The following SP4 variants were observed in gnomAD, a reference collection of about 807,000 sequenced individuals.
SP4 encodes Sp4 transcription factor.
In SP4, 19 loss-of-function variants were observed where a neutral mutation model predicts 72.8. The ratio of observed to expected loss-of-function variants is 0.26; its 90% CI spans 0.18 to 0.38. SP4 has a LOEUF of 0.38. Among genes scored for constraint, SP4 ranks in the 10% least tolerant of loss-of-function variants. The pLI is 1.00. For synonymous variants in SP4, 395 were observed against 333.1 expected, an observed-to-expected ratio of 1.19 and a Z score of -2.02; for missense variants, 1,008 against 926.3, an observed-to-expected ratio of 1.09 and a Z score of -1.14.
rs1392151527 is a variant in SP4 at position 21,472,381 on chromosome 7, C to CT, written c.1679-4697dup. 3.3e-5 allele frequency among the ~76,000 whole-genome samples: 5 copies of CT among 152,224 alleles called. No homozygotes were observed. In the East Asian group the frequency reaches 9.7e-4, roughly 30 times the overall value. On this transcript the variant is annotated intron_variant, in intron 3 of 5. Transcript: ENST00000222584. The stretch of plus-strand genomic sequence containing the variant: ...CTCACTGAAGTCTTGATCCCCAGGG[C>CT]TCAAGTGATCCTCTCACCTCAGCAC...
At position 21,433,625 on chromosome 7, in the gene SP4, C is replaced by G. The variant is rs73058474; in HGVS notation, c.1678+2782C>G. Among the ~76,000 whole-genome samples, 615 of 152,182 alleles carry G rather than the reference C, an allele frequency of 4.0e-3. 5 individuals carry two copies. Among genetic ancestry groups the G allele is most frequent in the Non-Finnish European group, 6.9e-3 (469 of 68,020 alleles). On this transcript the variant is annotated intron_variant, in intron 3 of 5. Coordinates refer to ENST00000222584, the MANE Select transcript of SP4 (RefSeq NM_003112.5). Reference sequence around the variant, plus strand: ...GAAACAACTTTGTTTTCATTAATTTCTTTTGGCTTTGCATTTGTAAGACAC... The same window carrying G: ...GAAACAACTTTGTTTTCATTAATTTGTTTTGGCTTTGCATTTGTAAGACAC...
At position 21,513,265 on chromosome 7, in the gene SP4, A is replaced by G. The variant is rs940621984; in HGVS notation, c.*1996A>G. Reference sequence around the variant, plus strand: ...AAAACTGAAGGTCTTTTGTGCTTTCAGTTTGTATAAAAAAGCTTTGAGATT... The same window carrying G: ...AAAACTGAAGGTCTTTTGTGCTTTCGGTTTGTATAAAAAAGCTTTGAGATT... On this transcript the variant is annotated 3_prime_UTR_variant, in exon 6 of 6. Transcript: ENST00000222584. 2.0e-5 allele frequency: 3 copies of G among 152,524 alleles called. No homozygotes were observed. Among genetic ancestry groups the G allele is most frequent in the African/African-American group, 7.2e-5 (3 of 41,404 alleles). The allele number at this position is 152,524 out of a possible 1,614,324, so 9.4% of individuals were successfully genotyped here. A position where few individuals can be genotyped will look rare whatever the true frequency, so the allele number is the denominator to read the frequency against.
intron 3 of SP4, among the ~76,000 whole-genome samples, chr7:21,450,003 G>C (rs1196825581): frequency 2.0e-5 from 3 of 151,590 alleles, no homozygotes; most frequent in Non-Finnish European, 4.4e-5. Flanking sequence ...ATTTAATATA[G>C]TTATTTATAT....
At chr7:21,476,297 G>A (rs1034233764) in intron 3 of SP4, among the ~76,000 whole-genome samples, 73 of 102,740 alleles carry the variant, frequency 7.1e-4, no homozygotes, top group East Asian at 3.0e-3. Flanking sequence ...AAAAAAAAAA[G>A]CATTGTATTT....
At chr7:21,436,841 G>T (rs969163553) in intron 3 of SP4, among the ~76,000 whole-genome samples, 1 of 152,164 alleles carries the variant, frequency 6.6e-6, no homozygotes, top group Non-Finnish European at 1.5e-5. Context: ...AAAAATAAAT[G>T]AGCCTCTTTC....
At chr7:21,477,409 T>A in intron 4 of SP4, 102 bp downstream of exon 4, 1 of 708,544 alleles carries the variant, frequency 1.4e-6, no homozygotes, top group South Asian at 1.7e-5. Flanking sequence ...CTTCATTACC[T>A]TTGTAGCCTA....
At position 21,511,335 on chromosome 7, in the gene SP4, G is replaced by A; in HGVS notation, c.*66G>A. On this transcript the variant is annotated 3_prime_UTR_variant, in exon 6 of 6. Coordinates refer to ENST00000222584, the MANE Select transcript of SP4 (RefSeq NM_003112.5). Reference sequence around the variant, plus strand: ...TACACACCTTTGAAAATCTGGAAATGGGCTGGTCAAGTGGATTACAGAGTA... The same window carrying A: ...TACACACCTTTGAAAATCTGGAAATAGGCTGGTCAAGTGGATTACAGAGTA... 6.7e-7 allele frequency: 1 copy of A among 1,497,448 alleles called. No individual in the cohort carries two copies. Among genetic ancestry groups the A allele is most frequent in the African/African-American group, 1.4e-5 (1 of 72,006 alleles). 92.8% of individuals were successfully genotyped at this position (1,497,448 alleles called of 1,614,324 possible). A position where few individuals can be genotyped will look rare whatever the true frequency, so the allele number is the denominator to read the frequency against.
chr7:21,430,384 A>T lies in SP4; in HGVS notation c.1219A>T (p.Ile407Phe). The change falls in exon 3 of 6, where the codon ATC becomes TTC. Residue 407 changes from isoleucine to phenylalanine, a missense_variant. Transcript: ENST00000222584. ...TGTAGGCCAACCTATCTTACAGCAG[A>T]TCCAGATCCAACAGCCTCAGCAACA... ...QIVGQPILQQ[I>F]QIQQPQQQII... 1 of 1,614,204 alleles carries T rather than the reference A, an allele frequency of 6.2e-7. No homozygotes were observed. The highest frequency in any genetic ancestry group is 8.5e-7 in the Non-Finnish European group (1 of 1,180,036).
At chr7:21,438,798 G>C (rs966868988) in intron 3 of SP4, among the ~76,000 whole-genome samples, 1 of 152,168 alleles carries the variant, frequency 6.6e-6, no homozygotes, top group Non-Finnish European at 1.5e-5. Context: ...TCTTTGTCCA[G>C]TTATACCCTC....
At chr7:21,430,930 A>C in intron 3 of SP4, 87 bp downstream of exon 3, 1 of 924,954 alleles carries the variant, frequency 1.1e-6, no homozygotes, top group Admixed American at 2.5e-5. Flanking sequence ...GGTTTGACGT[A>C]GACCTCTGAA....
intron 3 of SP4, among the ~76,000 whole-genome samples, chr7:21,432,220 T>C (rs1234114212): frequency 1.3e-5 from 2 of 152,238 alleles, no homozygotes; most frequent in African/African-American, 4.8e-5. Context: ...AGTGTTTCCA[T>C]TGCGGTACTT....
chr7:21,430,626 T>G lies in SP4; in HGVS notation c.1461T>G (p.Asn487Lys), dbSNP rs774714534. The G allele has an allele frequency of 6.2e-7, 1 of 1,614,278 alleles. No homozygotes were observed. Among genetic ancestry groups the G allele is most frequent in the South Asian group, 1.1e-5 (1 of 91,086 alleles). The change falls in exon 3 of 6, where the codon AAT becomes AAG. Residue 487 changes from asparagine to lysine, a missense_variant. Physicochemically the swap from Asn to Lys is moderately conservative, Grantham distance 94. Around this residue, in one of 3 missense-constraint regions of SP4, gnomAD observed 893 missense variants for 743.3 expected, o/e 1.20. Transcript: ENST00000222584. ...GTCTTTCAAATTTGCAAGTTCAGAA[T>G]GCTGGGTTATCCCAACAATTAACCA... ...IQSLSNLQVQ[N>K]AGLSQQLTIT...
At chr7:21,487,261 A>G (rs1223445527) in intron 5 of SP4, among the ~76,000 whole-genome samples, 1 of 151,978 alleles carries the variant, frequency 6.6e-6, no homozygotes, top group East Asian at 1.9e-4. Context: ...TGTGCTGCTA[A>G]TTTCATAATG....
intron 5 of SP4, among the ~76,000 whole-genome samples, chr7:21,496,120 A>G (rs1781697618): frequency 6.6e-6 from 1 of 152,204 alleles, no homozygotes; most frequent in African/African-American, 2.4e-5. Flanking sequence ...AACTACAAAG[A>G]GACACTACAA....
At position 21,429,488 on chromosome 7, in the gene SP4, C is replaced by T. The variant is rs1326122040; in HGVS notation, c.323C>T (p.Thr108Ile). 1 of 1,613,760 alleles carries T rather than the reference C, an allele frequency of 6.2e-7. No individual in the cohort carries two copies. Among genetic ancestry groups the T allele is most frequent in the East Asian group, 2.2e-5 (1 of 44,886 alleles). The change falls in exon 3 of 6, where the codon ACT becomes ATT. Residue 108 changes from threonine (T) to isoleucine (I), a missense_variant. Thr to Ile is a moderately conservative substitution (Grantham distance 89, BLOSUM62 -1). Coordinates refer to ENST00000222584, the MANE Select transcript of SP4 (RefSeq NM_003112.5). ...AACGCTTGGCAACTTGTTGCCTCCA[C>T]TCCTCCTGCTTCAAAAGAGAATAAC... ...AGNAWQLVAS[T>I]PPASKENNVS...
intron 5 of SP4, among the ~76,000 whole-genome samples, chr7:21,485,000 A>G (rs1784774986): frequency 6.6e-6 from 1 of 151,870 alleles, no homozygotes; most frequent in Admixed American, 6.6e-5. Flanking sequence ...AGTGGTTCAA[A>G]CATCTTAAAT....
At chr7:21,436,078 T>A (rs1783042403) in intron 3 of SP4, among the ~76,000 whole-genome samples, 1 of 152,090 alleles carries the variant, frequency 6.6e-6, no homozygotes, top group African/African-American at 2.4e-5. Context: ...TTTGTATTTT[T>A]AGTAGAGGTG....
chr7:21,476,977 A>T, intron 3 of SP4, 102 bp from the exon 4 acceptor site: 1 of 793,990 alleles, frequency 1.3e-6, no homozygotes, highest in Non-Finnish European at 2.0e-6. Context: ...TACTTTACAC[A>T]GATTGTTAGA....
chr7:21,449,760 A>G (rs1010075200), intron 3 of SP4, among the ~76,000 whole-genome samples: 5 of 152,214 alleles, frequency 3.3e-5, no homozygotes, highest in African/African-American at 1.2e-4. Flanking sequence ...TCACACCTTT[A>G]GTTATTGGCA....
Sources: gnomAD v4.1 joint callset for allele counts (sites outside exome capture counted in the v4.1 genomes callset) on GRCh38, gnomAD v4.1.1 for gene constraint, gnomAD v4.1.1 regional missense constraint, MANE v1.5 for transcripts, NCBI Gene and HGNC (gene_info 2026-07-23, HGNC 2026-07-21) for gene names.